KIAA1671: variants seen among roughly 807,000 people sequenced by gnomAD.
The protein encoded by KIAA1671 is uncharacterized protein KIAA1671.
KIAA1671 carries 52 observed loss-of-function variants against 131.2 expected under a neutral mutation model. The ratio of observed to expected loss-of-function variants is 0.40; its 90% CI spans 0.32 to 0.50. KIAA1671 has a LOEUF of 0.50. KIAA1671 is among the 20% of genes least tolerant of loss of function. The pLI, the probability that KIAA1671 is intolerant of heterozygous loss-of-function variation, is 0.73. For synonymous variants in KIAA1671, 1,003 were observed against 961.6 expected, an observed-to-expected ratio of 1.04 and a Z score of -0.80; for missense variants, 2,360 against 2,364.2, an observed-to-expected ratio of 1.00 and a Z score of 0.04.
chr22:24,962,067 T>G (rs1280392914), intron 1 of KIAA1671, among the ~76,000 whole-genome samples: 1 of 152,210 alleles, frequency 6.6e-6, no homozygotes, highest in African/African-American at 2.4e-5. Flanking sequence ...GCTTTATACC[T>G]GTGAGGCGAG....
chr22:25,014,918 T>A (rs1196208133), intron 1 of KIAA1671: 1 of 152,022 alleles, frequency 6.6e-6, no homozygotes, highest in East Asian at 1.9e-4. Flanking sequence ...GGTCAGCAAA[T>A]TTTGTCTGTA....
intron 6 of KIAA1671, among the ~76,000 whole-genome samples, chr22:25,094,329 C>T (rs1184713490): frequency 2.6e-5 from 4 of 152,072 alleles, no homozygotes; most frequent in African/African-American, 9.7e-5. Context: ...ATGCAGACCC[C>T]CAGGGTGGCT....
chr22:24,998,587 C>T (rs547584180), intron 1 of KIAA1671, among the ~76,000 whole-genome samples: 19 of 151,282 alleles, frequency 1.3e-4, no homozygotes, highest in African/African-American at 3.4e-4. Flanking sequence ...GGCGTAGTGG[C>T]GGGGCCTGTA....
chr22:25,051,401 A>C (rs2145822280), intron 6 of KIAA1671: 1 of 152,302 alleles, frequency 6.6e-6, no homozygotes, highest in South Asian at 2.1e-4. Context: ...ACTAAATATC[A>C]GTTTTTTCTT....
intron 6 of KIAA1671, among the ~76,000 whole-genome samples, chr22:25,160,775 G>C (rs1390263598): frequency 2.6e-5 from 4 of 152,196 alleles, no homozygotes; most frequent in African/African-American, 4.8e-5. Context: ...CACTGAGGGG[G>C]AGTCAGTGGC....
chr22:25,032,414 C>T (rs1377698553), intron 3 of KIAA1671, among the ~76,000 whole-genome samples, 195 bp from the exon 4 acceptor site: 7 of 152,182 alleles, frequency 4.6e-5, no homozygotes, highest in Admixed American at 2.6e-4. Flanking sequence ...GGGTGTCTTC[C>T]CCCAGCTGGG....
chr22:25,008,545 G>A (rs1199998446), intron 1 of KIAA1671, among the ~76,000 whole-genome samples: 1 of 152,130 alleles, frequency 6.6e-6, no homozygotes, highest in Non-Finnish European at 1.5e-5. Context: ...TATATAAAGT[G>A]GGATTTAGAT....
intron 1 of KIAA1671, among the ~76,000 whole-genome samples, chr22:25,007,154 G>A (rs571292591): frequency 1.3e-5 from 2 of 152,276 alleles, no homozygotes; most frequent in African/African-American, 2.4e-5. Context: ...AACACCTGCT[G>A]TAAGCTGGGT....
intron 6 of KIAA1671, among the ~76,000 whole-genome samples, chr22:25,169,324 CAGG>C (rs1288099909): frequency 2.0e-5 from 3 of 149,160 alleles, no homozygotes; most frequent in Non-Finnish European, 2.9e-5. Context: ...GAGTCTCAGG[CAGG>C]AGGATTACTT....
Position 25,099,537 on chromosome 22 carries a change from GTTTTTTTGTTTTTTT to G in KIAA1671, c.4530+50181_4530+50195del, listed in dbSNP as rs1173607873. 9.4e-4 allele frequency among the ~76,000 whole-genome samples: 105 copies of G among 112,136 alleles called. 2 individuals are homozygous for G. The highest frequency in any genetic ancestry group is 3.4e-3 in the African/African-American group (86 of 25,490). 73.6% of individuals were successfully genotyped at this position (112,136 alleles called of 152,430 possible). A position where few individuals can be genotyped will look rare whatever the true frequency, so the allele number is the denominator to read the frequency against. On this transcript the variant is annotated intron_variant, in intron 6 of 12. Transcript: ENST00000358431. The stretch of plus-strand genomic sequence containing the variant: ...TATAAGTTTGTCTTTCAAAATGTGG[GTTTTTTTGTTTTTTT>G]TTTTTTTTTTTTTTTTTTTTTAGAT...
At position 25,174,254 on chromosome 22, in the gene KIAA1671, C is replaced by T; in HGVS notation, c.4664C>T (p.Ser1555Phe). The T allele has an allele frequency of 6.4e-7, 1 of 1,551,686 alleles. No individual in the cohort carries two copies. Among genetic ancestry groups the T allele is most frequent in the Non-Finnish European group, 8.7e-7 (1 of 1,146,988 alleles). Residue 1555 changes from serine (S) to phenylalanine (F), a missense_variant, in exon 8 of 13, where the codon TCC (serine) becomes TTC (phenylalanine). Ser to Phe is a radical substitution (Grantham distance 155). Transcript: ENST00000358431. The stretch of plus-strand genomic sequence containing the variant: ...TTTTTTGGCAGCTTGGCCACTGAGT[C>T]CCCAGATAGCAGTGCCACATCGACA... ...CQSGESLATE[S>F]PDSSATSTRK...
chr22:25,028,919 G>GAC lies in KIAA1671; in HGVS notation c.921_922dup (p.Pro308HisfsTer10). The GAC allele has an allele frequency of 1.9e-5, 29 of 1,551,632 alleles. No individual in the cohort carries two copies. Among genetic ancestry groups the GAC allele is most frequent in the Non-Finnish European group, 2.5e-5 (29 of 1,146,988 alleles). ...AGGAAGGTGGCCGATGAAGGAAGTG[G>GAC]ACCCACAGCAGGGGATATGGCTGGG... On this transcript the variant is annotated frameshift_variant, in exon 3 of 13. Transcript: ENST00000358431. LOFTEE classifies it high-confidence loss of function.
intron 1 of KIAA1671, among the ~76,000 whole-genome samples, chr22:24,972,380 G>A (rs1969544228): frequency 6.6e-6 from 1 of 152,138 alleles, no homozygotes. Flanking sequence ...CCGTATAGCT[G>A]CTTTCCATCC....
chr22:25,000,191 T>TTTG (rs1366546057), intron 1 of KIAA1671, among the ~76,000 whole-genome samples: 14 of 69,970 alleles, frequency 2.0e-4, no homozygotes, highest in African/African-American at 8.3e-4. Flanking sequence ...CCTGTTTTTT[T>TTTG]TTTTTTTTTT....
chr22:25,038,668 T>A (rs1602088620), intron 4 of KIAA1671, 92 bp from the exon 5 acceptor site: 2 of 1,275,884 alleles, frequency 1.6e-6, no homozygotes, highest in East Asian at 5.1e-5. Context: ...GTTTTAATTA[T>A]ACAAGCAGCC....
At chr22:25,038,735 T>C (rs933715795) in intron 4 of KIAA1671, 25 bp from the exon 5 acceptor site, 10 of 1,514,820 alleles carry the variant, frequency 6.6e-6, no homozygotes, top group Non-Finnish European at 8.0e-6. Flanking sequence ...CTGAGGTGTT[T>C]CTTTTTCTTT....
chr22:25,129,392 A>G (rs1445390649), intron 6 of KIAA1671, among the ~76,000 whole-genome samples: 4 of 151,962 alleles, frequency 2.6e-5, no homozygotes, highest in Admixed American at 2.6e-4. Context: ...CTGTAATACC[A>G]GCTACTCGGA....
chr22:25,125,896 T>A (rs1932160064), intron 6 of KIAA1671, among the ~76,000 whole-genome samples: 2 of 152,240 alleles, frequency 1.3e-5, no homozygotes, highest in Admixed American at 1.3e-4. Context: ...AATACCCTTT[T>A]AGGTAATAGA....
At chr22:24,970,962 A>G (rs1922583024) in intron 1 of KIAA1671, among the ~76,000 whole-genome samples, 1 of 151,994 alleles carries the variant, frequency 6.6e-6, no homozygotes, top group Non-Finnish European at 1.5e-5. Context: ...TTTATTTATT[A>G]TTTACTTATT....
Sources: allele counts gnomAD v4.1 joint callset (sites outside exome capture counted in the v4.1 genomes callset), GRCh38; gene constraint gnomAD v4.1.1; transcripts MANE v1.5; gene names NCBI Gene and HGNC (gene_info 2026-07-23, HGNC 2026-07-21).